AFF3: variants seen among roughly 807,000 people sequenced by gnomAD.
AFF3 encodes the protein AF4/FMR2 family member 3.
Under a neutral mutation model 129.7 loss-of-function variants are expected in AFF3, and 32 were observed. The ratio of observed to expected loss-of-function variants is 0.25; its 90% CI spans 0.19 to 0.33. The LOEUF (loss-of-function observed/expected upper bound fraction) is 0.33. Among genes scored for constraint, AFF3 ranks in the 10% least tolerant of loss-of-function variants. AFF3 has a pLI of 1.00. For synonymous variants in AFF3, 644 were observed against 635.4 expected (o/e 1.01, Z -0.20); for missense variants, 1,373 against 1,592.0 (o/e 0.86, Z 2.34).
chr2:99,582,825 C>G lies in AFF3; in HGVS notation c.2766G>C (p.Gln922His). ...SSSKKPKADS[Q>H]LQPHGGDLTK... ...TGAGGTCTCCGCCGTGAGGCTGCAGCTGGCTGTCGGCCTTAGGCTTTTTGC... is the reference window on the plus strand; with the variant it reads ...TGAGGTCTCCGCCGTGAGGCTGCAGGTGGCTGTCGGCCTTAGGCTTTTTGC... Residue 922 changes from glutamine to histidine, a missense_variant, in exon 17 of 25, where the codon CAG becomes CAC. Gln to His is a conservative substitution (Grantham distance 24). Transcript: ENST00000672756. 6.2e-7 allele frequency: 1 copy of G among 1,614,224 alleles called. No individual in the cohort carries two copies. The highest frequency in any genetic ancestry group is 8.5e-7 in the Non-Finnish European group (1 of 1,180,048).
chr2:99,684,103 A>G (rs1009630291), intron 11 of AFF3, among the ~76,000 whole-genome samples: 1 of 152,182 alleles, frequency 6.6e-6, no homozygotes, highest in African/African-American at 2.4e-5. Context: ...TTATGTTGGA[A>G]GTCAACAGCT....
chr2:99,922,945 T>G (rs1695954613), intron 7 of AFF3, among the ~76,000 whole-genome samples: 3 of 152,122 alleles, frequency 2.0e-5, no homozygotes, highest in South Asian at 4.1e-4. Flanking sequence ...CTAAAATGCT[T>G]CTCGAACGTA....
chr2:100,121,097 C>A lies in AFF3; in HGVS notation c.-145+8127G>T, dbSNP rs7586717. Among the ~76,000 whole-genome samples the A allele has an allele frequency of 7.7e-3, 1,178 of 152,238 alleles. 10 individuals are homozygous for A. The highest frequency in any genetic ancestry group is 0.027 in the African/African-American group (1,101 of 41,530). ...GCAGAGAAATTCTGGGAGGGCAGGTCCCTGGTGAGGGCCCCACTCTCAAGC... is the reference window on the plus strand; with the variant it reads ...GCAGAGAAATTCTGGGAGGGCAGGTACCTGGTGAGGGCCCCACTCTCAAGC... On this transcript the variant is annotated intron_variant, in intron 2 of 24. Coordinates refer to ENST00000672756, the MANE Select transcript of AFF3 (RefSeq NM_001386135.1).
chr2:100,140,864 G>T (rs1044698406), intron 1 of AFF3, among the ~76,000 whole-genome samples: 3 of 151,910 alleles, frequency 2.0e-5, no homozygotes, highest in Non-Finnish European at 4.4e-5. Context: ...TCACTGCTCT[G>T]GCCTTAAGTG....
At chr2:99,903,775 T>C (rs1462535888) in intron 7 of AFF3, among the ~76,000 whole-genome samples, 1 of 152,174 alleles carries the variant, frequency 6.6e-6, no homozygotes, top group Non-Finnish European at 1.5e-5. Context: ...TTGAGTCACA[T>C]CCATTTGAAT....
At chr2:99,886,113 A>C (rs957547343) in intron 7 of AFF3, among the ~76,000 whole-genome samples, 15 of 152,168 alleles carry the variant, frequency 9.9e-5, no homozygotes, top group Non-Finnish European at 1.8e-4. Context: ...TGCATTTAAA[A>C]ATCTCTTTCA....
chr2:99,864,830 T>C (rs1363336400), intron 7 of AFF3, among the ~76,000 whole-genome samples: 1 of 152,184 alleles, frequency 6.6e-6, no homozygotes, highest in African/African-American at 2.4e-5. Flanking sequence ...CTAGGTAATA[T>C]GTTCTTTGGG....
intron 4 of AFF3, among the ~76,000 whole-genome samples, chr2:100,060,534 A>G (rs1559095976): frequency 6.6e-6 from 1 of 152,222 alleles, no homozygotes; most frequent in Non-Finnish European, 1.5e-5. Context: ...GTAACACTAT[A>G]GATATATATC....
intron 7 of AFF3, chr2:100,006,420 C>T: frequency 1.7e-6 from 1 of 576,580 alleles, no homozygotes; most frequent in South Asian, 3.7e-5. Flanking sequence ...ACTGCATTTG[C>T]TGGAACTCTA....
chr2:100,065,158 C>T (rs735001), intron 4 of AFF3, among the ~76,000 whole-genome samples: 3,895 of 152,286 alleles, frequency 0.026, 156 homozygotes, highest in African/African-American at 0.088. Context: ...AAAAACGAGG[C>T]TGCTCTGCCT....
At chr2:99,993,141 T>C (rs1367336386) in intron 7 of AFF3, among the ~76,000 whole-genome samples, 1 of 152,150 alleles carries the variant, frequency 6.6e-6, no homozygotes, top group East Asian at 1.9e-4. Flanking sequence ...CTGCCTCAGA[T>C]TGACAATGAT....
rs549694772 is a variant in AFF3, at chr2:99,947,301, A to C, written c.873+59331T>G. ...ACTAAAAATACAAAAAAATTAGCCA[A>C]GTGTGGTCACAGACACCTGTAATCC... On this transcript the variant is annotated intron_variant, in intron 7 of 24. Coordinates refer to ENST00000672756, the MANE Select transcript of AFF3 (RefSeq NM_001386135.1). Among the ~76,000 whole-genome samples, 4 of 152,020 alleles carry C rather than the reference A, an allele frequency of 2.6e-5. No individual in the cohort carries two copies. In the South Asian group the frequency reaches 8.3e-4, roughly 32 times the overall value.
At chr2:99,878,206 G>A (rs941363042) in intron 7 of AFF3, among the ~76,000 whole-genome samples, 6 of 152,208 alleles carry the variant, frequency 3.9e-5, no homozygotes, top group African/African-American at 1.4e-4. Flanking sequence ...GGTCATCCGT[G>A]AGCTTTGAGT....
At chr2:99,724,218 G>C (rs1679154496) in intron 11 of AFF3, among the ~76,000 whole-genome samples, 1 of 144,868 alleles carries the variant, frequency 6.9e-6, no homozygotes, top group Non-Finnish European at 1.5e-5. Context: ...TGGAAAATGG[G>C]CAAAAATCAG....
intron 7 of AFF3, among the ~76,000 whole-genome samples, chr2:99,869,503 A>T (rs1691699908): frequency 1.3e-5 from 2 of 152,232 alleles, no homozygotes; most frequent in South Asian, 4.1e-4. Flanking sequence ...ATCATTTAAA[A>T]TGCCACTAAT....
At chr2:99,967,182 TAC>T (rs1677866065) in intron 7 of AFF3, among the ~76,000 whole-genome samples, 1 of 152,026 alleles carries the variant, frequency 6.6e-6, no homozygotes, top group Non-Finnish European at 1.5e-5. Flanking sequence ...CTTACCCTTA[TAC>T]ACAGGTACAC....
Position 99,593,242 on chromosome 2 carries a change from C to T in AFF3, c.2419G>A (p.Asp807Asn), listed in dbSNP as rs770339063. ...SESAPPSHTSDTPAEKALPKS... is the reference protein window; with the variant it reads ...SESAPPSHTSNTPAEKALPKS... Reference sequence around the variant, plus strand: ...GGCAAAGCCTTTTCTGCAGGTGTGTCCGAGGTGTGGCTGGGCGGTGCGCTC... The same window carrying T: ...GGCAAAGCCTTTTCTGCAGGTGTGTTCGAGGTGTGGCTGGGCGGTGCGCTC... Residue 807 changes from aspartate to asparagine, a missense_variant, in exon 15 of 25, where the codon GAC becomes AAC. Physicochemically the swap from Asp to Asn is conservative, Grantham distance 23. Transcript: ENST00000672756. 1 of 1,609,516 alleles carries T rather than the reference C, an allele frequency of 6.2e-7. No individual in the cohort carries two copies. Among genetic ancestry groups the T allele is most frequent in the Non-Finnish European group, 8.5e-7 (1 of 1,176,936 alleles).
intron 13 of AFF3, chr2:99,630,444 T>C (rs1683019282): frequency 6.6e-6 from 1 of 152,100 alleles, no homozygotes; most frequent in South Asian, 2.1e-4. Context: ...AGGATTACAG[T>C]CCCAGGGAGA....
chr2:99,793,655 C>T (rs531638999), intron 8 of AFF3, among the ~76,000 whole-genome samples: 167 of 152,210 alleles, frequency 1.1e-3, no homozygotes, highest in African/African-American at 3.7e-3. Context: ...TAATCATTCG[C>T]GTTTTCTCTT....
Sources: allele counts gnomAD v4.1 joint callset (sites outside exome capture counted in the v4.1 genomes callset), GRCh38; gene constraint gnomAD v4.1.1; transcripts MANE v1.5; gene names NCBI Gene and HGNC (gene_info 2026-07-23, HGNC 2026-07-21).